HERC2: variants seen among roughly 807,000 people sequenced by gnomAD.
HERC2 encodes HECT and RLD domain containing E3 ubiquitin protein ligase 2.
HERC2 carries 102 observed loss-of-function variants against 537.7 expected under a neutral mutation model. The ratio of observed to expected loss-of-function variants is 0.19; its 90% CI spans 0.16 to 0.22. The LOEUF is 0.22. Ranked by LOEUF, HERC2 falls within the 10% of genes least tolerant of loss-of-function variation. The probability of loss-of-function intolerance (pLI) is 1.00; values close to 1 mark genes in which losing one functional copy is unlikely to be tolerated. For missense variants in HERC2, 4,236 were observed against 6,198.2 expected (o/e 0.68, Z 10.63); for synonymous variants, 2,224 against 2,466.2 (o/e 0.90, Z 2.91).
intron 88 of HERC2, 71 bp from the exon 89 acceptor site, chr15:28,115,612 C>G: frequency 9.4e-7 from 1 of 1,058,290 alleles, no homozygotes; most frequent in Non-Finnish European, 1.4e-6. Flanking sequence ...CACTCACACA[C>G]GCCACTGACA....
rs1352464884 is a variant in HERC2 at position 28,292,006 on chromosome 15, T to C, written c.322+882A>G. ...ACTTTAGGAGGCCAAGGTGGGTGGA[T>C]CACCTGAGGTCAGGAGTTCAAGACC... is the stretch of plus-strand genomic sequence containing the variant. On this transcript the variant is annotated intron_variant, in intron 4 of 92. Coordinates refer to ENST00000261609, the MANE Select transcript of HERC2 (RefSeq NM_004667.6). Among the ~76,000 whole-genome samples the C allele has an allele frequency of 2.0e-5, 3 of 147,586 alleles. No homozygotes were observed. In the East Asian group the frequency reaches 6.2e-4, roughly 30 times the overall value.
chr15:28,313,322 C>T (rs1342235653), intron 2 of HERC2, among the ~76,000 whole-genome samples: 1 of 152,040 alleles, frequency 6.6e-6, no homozygotes, highest in African/African-American at 2.4e-5. Flanking sequence ...GGACTACAGG[C>T]GCACGCCACC....
chr15:28,210,289 G>T (rs1029110942), intron 44 of HERC2, among the ~76,000 whole-genome samples: 12 of 152,044 alleles, frequency 7.9e-5, no homozygotes, highest in South Asian at 2.1e-4. Context: ...GTCCGCCACC[G>T]TGCCCAGCTA....
intron 74 of HERC2, 115 bp from the exon 75 acceptor site, chr15:28,143,067 T>TA (rs369443373): frequency 0.015 from 10,364 of 682,922 alleles, no homozygotes; most frequent in South Asian, 0.028. Flanking sequence ...CTAAAAAAAC[T>TA]AAAAAAAAAA....
intron 68 of HERC2, among the ~76,000 whole-genome samples, chr15:28,165,044 G>T (rs1476387368): frequency 6.6e-6 from 1 of 152,260 alleles, no homozygotes; most frequent in Non-Finnish European, 1.5e-5. Flanking sequence ...GCTGGCAAGG[G>T]AGTACACATG....
rs764510642 is a variant in HERC2 at position 28,202,448 on chromosome 15, G to T, written c.7379C>A (p.Pro2460Gln). 10 of 1,538,328 alleles carry T rather than the reference G, an allele frequency of 6.5e-6. No individual in the cohort carries two copies. In the Admixed American group the frequency reaches 1.4e-4, roughly 21 times the overall value. The change falls in exon 46 of 93, where the codon CCG becomes CAG. Residue 2460 changes from proline to glutamine, a missense_variant. By Grantham distance (76) the Pro-to-Gln change is moderately conservative (BLOSUM62 -1). Transcript: ENST00000261609. ...CATCTCCATGAGCTGCACCACGATCGGCAGAGCGGGAACGGGCGACTGCTT... is the reference window on the plus strand; with the variant it reads ...CATCTCCATGAGCTGCACCACGATCTGCAGAGCGGGAACGGGCGACTGCTT... ...RRKQSPVPAL[P>Q]IVVQLMEMGF...
At chr15:28,257,355 ATACTAT>A in intron 16 of HERC2, 94 bp from the exon 17 acceptor site, 1 of 1,010,854 alleles carries the variant, frequency 9.9e-7, no homozygotes, top group Non-Finnish European at 1.5e-6. Context: ...GAGCTGCCTT[ATACTAT>A]TACCTATCAT....
intron 4 of HERC2, among the ~76,000 whole-genome samples, chr15:28,288,798 A>T (rs2141113177): frequency 6.6e-6 from 1 of 150,520 alleles, no homozygotes; most frequent in South Asian, 2.1e-4. Flanking sequence ...CAGTGAGCTG[A>T]GATTGTGCCA....
chr15:28,245,546 CAAAAA>C (rs552182472), intron 23 of HERC2, among the ~76,000 whole-genome samples: 1 of 107,000 alleles, frequency 9.3e-6, no homozygotes, highest in African/African-American at 3.3e-5. Context: ...GATGTAGTGT[CAAAAA>C]AAAAAAAAAA....
intron 83 of HERC2, among the ~76,000 whole-genome samples, chr15:28,129,289 G>A (rs539462770): frequency 2.0e-5 from 3 of 152,288 alleles, no homozygotes; most frequent in Admixed American, 6.5e-5. Flanking sequence ...GGGGAACCAG[G>A]AGCAAGCTTC....
At chr15:28,295,926 T>C (rs935669255) in intron 3 of HERC2, among the ~76,000 whole-genome samples, 1 of 151,968 alleles carries the variant, frequency 6.6e-6, no homozygotes, top group African/African-American at 2.4e-5. Flanking sequence ...CTTAAAATAT[T>C]TACTATCTGG....
intron 65 of HERC2, among the ~76,000 whole-genome samples, 185 bp downstream of exon 65, chr15:28,174,210 C>G (rs566164358): frequency 6.6e-6 from 1 of 151,066 alleles, no homozygotes; most frequent in African/African-American, 2.4e-5. Context: ...ATACTTTCTT[C>G]TAAAATTTTC....
intron 20 of HERC2, 58 bp from the exon 21 acceptor site, chr15:28,248,794 A>G: frequency 1.5e-6 from 2 of 1,358,048 alleles, no homozygotes; most frequent in South Asian, 2.5e-5. Context: ...TAAAAAGAAA[A>G]TGGGATGGGG....
At chr15:28,301,733 G>GTATA (rs200259885) in intron 2 of HERC2, among the ~76,000 whole-genome samples, 3 of 30,900 alleles carry the variant, frequency 9.7e-5, no homozygotes, top group African/African-American at 3.1e-4. Flanking sequence ...TTGTATGTAT[G>GTATA]TGTATATATA....
intron 3 of HERC2, among the ~76,000 whole-genome samples, chr15:28,295,307 GT>G (rs1308683989): frequency 4.4e-5 from 3 of 68,756 alleles, no homozygotes; most frequent in South Asian, 6.9e-4. Context: ...CTACATGTGT[GT>G]GGGGGGGGGG....
rs757890292 is a variant in HERC2, at chr15:28,256,195, G to C, written c.2640C>G (p.Ser880Arg). ...CGGCCTGGGCGGCCGACTGCACGGT[G>C]CTCAGCACGCCCGCACTGCTGGCCA... ...VTLASSAGVL[S>R]TVQSAAQAVL... Residue 880 changes from serine to arginine, a missense_variant, in exon 18 of 93, where the codon AGC becomes AGG. This residue lies in a region of HERC2 where 754 missense variants were observed against 1,085.0 expected (regional missense o/e 0.69). Coordinates refer to ENST00000261609, the MANE Select transcript of HERC2 (RefSeq NM_004667.6). 2 of 1,600,950 alleles carry C rather than the reference G, an allele frequency of 1.2e-6. No homozygotes were observed. The highest frequency in any genetic ancestry group is 2.7e-5 in the African/African-American group (2 of 74,900).
chr15:28,262,365 G>A (rs1398561304), intron 15 of HERC2, among the ~76,000 whole-genome samples: 2 of 152,202 alleles, frequency 1.3e-5, no homozygotes, highest in South Asian at 2.1e-4. Flanking sequence ...TGCCTGCACC[G>A]GCAGCCCACA....
chr15:28,240,794 G>A (rs1903026913), intron 23 of HERC2, among the ~76,000 whole-genome samples: 1 of 152,324 alleles, frequency 6.6e-6, no homozygotes, highest in South Asian at 2.1e-4. Context: ...ACTCAATGGG[G>A]AAAGAAGAGC....
At chr15:28,255,810 T>C (rs2075240167) in intron 19 of HERC2, 62 bp downstream of exon 19, 1 of 1,537,510 alleles carries the variant, frequency 6.5e-7, no homozygotes, top group East Asian at 2.3e-5. Flanking sequence ...TCTTCACGTG[T>C]GTGAGTGTGG....
Sources: gnomAD v4.1 joint callset for allele counts (sites outside exome capture counted in the v4.1 genomes callset) on GRCh38, gnomAD v4.1.1 for gene constraint, gnomAD v4.1.1 regional missense constraint, MANE v1.5 for transcripts, NCBI Gene and HGNC (gene_info 2026-07-23, HGNC 2026-07-21) for gene names.